Variants in LRGUK observed in about 807,000 individuals in gnomAD.
The protein encoded by LRGUK is leucine-rich repeat and guanylate kinase domain-containing protein.
LRGUK carries 65 observed loss-of-function variants against 76.0 expected under a neutral mutation model. The ratio of observed to expected loss-of-function variants is 0.85; its 90% CI spans 0.70 to 1.05. LRGUK has a LOEUF of 1.05. Among genes scored for constraint, LRGUK ranks in the 50% least tolerant of loss-of-function variants. The pLI is 0.00. For missense variants in LRGUK, 758 were observed against 732.8 expected (o/e 1.03, Z -0.40); for synonymous variants, 268 against 265.6 (o/e 1.01, Z -0.09).
intron 3 of LRGUK, among the ~76,000 whole-genome samples, chr7:134,140,208 G>A (rs1296867801): frequency 6.6e-6 from 1 of 152,158 alleles, no homozygotes; most frequent in African/African-American, 2.4e-5. Context: ...GACTTCAAGT[G>A]ATCTGCCCGC....
chr7:134,246,544 T>C (rs1350010776), intron 16 of LRGUK, among the ~76,000 whole-genome samples: 1 of 152,262 alleles, frequency 6.6e-6, no homozygotes, highest in Non-Finnish European at 1.5e-5. Flanking sequence ...TCTGGAGTTG[T>C]GGTTTCACCA....
At chr7:134,259,433 G>A (rs116236453) in intron 19 of LRGUK, among the ~76,000 whole-genome samples, 138 of 152,282 alleles carry the variant, frequency 9.1e-4, no homozygotes, top group African/African-American at 3.2e-3. Context: ...GGCTAGGACA[G>A]AGCCACCATT....
At chr7:134,177,180 A>C in intron 9 of LRGUK, 117 bp downstream of exon 9, 1 of 608,838 alleles carries the variant, frequency 1.6e-6, no homozygotes, top group Admixed American at 3.0e-5. Context: ...CAATATGTAC[A>C]TTAATTCATT....
intron 1 of LRGUK, among the ~76,000 whole-genome samples, chr7:134,136,600 C>T (rs1349356098): frequency 3.9e-5 from 6 of 152,096 alleles, no homozygotes; most frequent in African/African-American, 1.4e-4. Context: ...AACCTCCAAA[C>T]GTTAATTCTT....
chr7:134,199,364 C>T (rs765373734), exon 14 of LRGUK: 5 of 1,613,680 alleles, frequency 3.1e-6, no homozygotes, highest in Admixed American at 3.3e-5. Flanking sequence ...CAGAGTGGAC[C>T]TTTATATTAA....
chr7:134,185,247 A>C (rs576778134), intron 11 of LRGUK, among the ~76,000 whole-genome samples: 6 of 152,258 alleles, frequency 3.9e-5, no homozygotes, highest in Non-Finnish European at 8.8e-5. Context: ...CACACACACA[A>C]AACTCCAACT....
Position 134,137,143 on chromosome 7 carries a change from A to C in LRGUK, c.405+13A>C, listed in dbSNP as rs1007492815. 2 of 1,576,672 alleles carry C rather than the reference A, an allele frequency of 1.3e-6. No individual in the cohort carries two copies. Among genetic ancestry groups the C allele is most frequent in the Admixed American group, 1.7e-5 (1 of 58,584 alleles). On this transcript the variant is annotated intron_variant, in intron 2 of 15. Coordinates refer to ENST00000645682, the Ensembl canonical transcript of LRGUK. ...TCTAACTTTATCAGTGAGTATGACA[A>C]AATCTCCATTGGCTGGCTACAGCTT...
intron 1 of LRGUK, among the ~76,000 whole-genome samples, chr7:134,131,332 T>C (rs1308778836): frequency 6.6e-6 from 1 of 152,162 alleles, no homozygotes; most frequent in Non-Finnish European, 1.5e-5. Flanking sequence ...GATGAGAACA[T>C]GATTGAAGAC....
intron 15 of LRGUK, among the ~76,000 whole-genome samples, chr7:134,204,510 G>A (rs923787320): frequency 6.6e-6 from 1 of 152,144 alleles, no homozygotes; most frequent in Non-Finnish European, 1.5e-5. Flanking sequence ...TGTAATTAAT[G>A]GATCAAATCA....
intron 15 of LRGUK, 93 bp from the exon 16 acceptor site, chr7:134,221,686 A>G (rs1801598565): frequency 3.1e-6 from 3 of 959,150 alleles, no homozygotes; most frequent in Non-Finnish European, 1.4e-6. Context: ...CCAGCTTGTT[A>G]TGTTTGGGCA....
chr7:134,192,447 C>G (rs1408050863), intron 12 of LRGUK, among the ~76,000 whole-genome samples: 1 of 152,140 alleles, frequency 6.6e-6, no homozygotes, highest in Non-Finnish European at 1.5e-5. Context: ...TCAGAACAAT[C>G]TTGTTTAAGT....
chr7:134,184,997 G>GAC (rs775675712), intron 11 of LRGUK, among the ~76,000 whole-genome samples: 27 of 152,232 alleles, frequency 1.8e-4, no homozygotes, highest in Non-Finnish European at 2.9e-4. Context: ...AACGGCACTG[G>GAC]AGCGTCTTTG....
intron 16 of LRGUK, among the ~76,000 whole-genome samples, chr7:134,238,079 G>A (rs886624125): frequency 2.6e-5 from 4 of 152,052 alleles, no homozygotes; most frequent in Admixed American, 6.6e-5. Context: ...TGGATTCATA[G>A]CTACACTATC....
intron 19 of LRGUK, among the ~76,000 whole-genome samples, chr7:134,259,771 G>A (rs1802673294): frequency 6.6e-6 from 1 of 152,126 alleles, no homozygotes; most frequent in Non-Finnish European, 1.5e-5. Context: ...TCAGCTCGCA[G>A]GAAGTGGGAA....
chr7:134,255,852 C>A (rs1802565407), intron 18 of LRGUK, among the ~76,000 whole-genome samples: 1 of 152,064 alleles, frequency 6.6e-6, no homozygotes, highest in African/African-American at 2.4e-5. Context: ...TTGGTCTCAG[C>A]ATGATTCCTT....
chr7:134,163,380 AT>A lies in LRGUK; in HGVS notation c.796-10del. On this transcript the variant is annotated splice_polypyrimidine_tract_variant and intron_variant, in intron 6 of 15. Transcript: ENST00000645682. ...GAGAGGTCTTTGAGACATTAAATAT[AT>A]TTTTTTCTGTTTTAGAGCAATAACC... 6.3e-7 allele frequency: 1 copy of A among 1,594,224 alleles called. No individual in the cohort carries two copies. Among genetic ancestry groups the A allele is most frequent in the Non-Finnish European group, 8.6e-7 (1 of 1,169,402 alleles).
intron 4 of LRGUK, among the ~76,000 whole-genome samples, chr7:134,145,024 C>T (rs1191261919): frequency 6.6e-6 from 1 of 152,162 alleles, no homozygotes; most frequent in Non-Finnish European, 1.5e-5. Flanking sequence ...CACACCCCTT[C>T]CTTGCACTCT....
At chr7:134,138,170 G>A (rs1471326482) in intron 2 of LRGUK, among the ~76,000 whole-genome samples, 2 of 152,174 alleles carry the variant, frequency 1.3e-5, no homozygotes, top group Non-Finnish European at 2.9e-5. Flanking sequence ...AGCAGCCAGT[G>A]CATCCCCACA....
intron 16 of LRGUK, among the ~76,000 whole-genome samples, chr7:134,239,842 G>A (rs1235832097): frequency 6.6e-6 from 1 of 152,186 alleles, no homozygotes; most frequent in Non-Finnish European, 1.5e-5. Context: ...ATGCCCCTCT[G>A]AGACGAAGCT....
Sources: allele counts gnomAD v4.1 joint callset (sites outside exome capture counted in the v4.1 genomes callset), GRCh38; gene constraint gnomAD v4.1.1; transcripts MANE v1.5; gene names NCBI Gene and HGNC (gene_info 2026-07-23, HGNC 2026-07-21).